MCM10: variants seen among roughly 807,000 people sequenced by gnomAD.
MCM10 encodes minichromosome maintenance 10 replication initiation factor, also known as protein MCM10 homolog.
Under a neutral mutation model 109.9 loss-of-function variants are expected in MCM10, and 91 were observed. The ratio of observed to expected loss-of-function variants is 0.83; its 90% CI spans 0.70 to 0.99. The LOEUF is 0.99. MCM10 is among the 50% of genes least tolerant of loss of function. The pLI, the probability that MCM10 is intolerant of heterozygous loss-of-function variation, is 0.00. For synonymous variants in MCM10, 380 were observed against 387.2 expected (o/e 0.98, Z 0.22); for missense variants, 1,077 against 1,061.2 (o/e 1.01, Z -0.21).
At chr10:13,207,259 C>T (rs147087666) in intron 18 of MCM10, among the ~76,000 whole-genome samples, 541 of 152,258 alleles carry the variant, frequency 3.6e-3, no homozygotes, top group African/African-American at 0.012. Context: ...CAACTGGGCA[C>T]GGCTGTGTTC....
chr10:13,209,232 G>C lies in MCM10; in HGVS notation c.2547G>C (p.Lys849Asn). 6.2e-7 allele frequency: 1 copy of C among 1,613,504 alleles called. No individual in the cohort carries two copies. The highest frequency in any genetic ancestry group is 1.1e-5 in the South Asian group (1 of 91,048). ...AAATATTTTCATTTTTCTAGGAAAA[G>C]ACTGGTCCAAAGATAGGAGGAGAAA... Reference protein sequence around the residue: ...KWERDGMLKEKTGPKIGGETL... With the variant: ...KWERDGMLKENTGPKIGGETL... The change falls in exon 20 of 20, where the codon AAG becomes AAC. Residue 849 changes from lysine (K) to asparagine (N), a missense_variant. Lys to Asn is a moderately conservative substitution (Grantham distance 94). Transcript: ENST00000378714.
intron 6 of MCM10, among the ~76,000 whole-genome samples, chr10:13,178,929 G>C (rs748126273): frequency 6.6e-6 from 1 of 152,084 alleles, no homozygotes; most frequent in Non-Finnish European, 1.5e-5. Context: ...CACTTCTTTG[G>C]TTAAGTGTAT....
rs1834439741 is a variant in MCM10, at chr10:13,197,668, A to G, written c.2020A>G (p.Lys674Glu). 6.2e-7 allele frequency: 1 copy of G among 1,613,986 alleles called. No homozygotes were observed. Among genetic ancestry groups the G allele is most frequent in the Admixed American group, 1.7e-5 (1 of 60,004 alleles). Residue 674 changes from lysine (K) to glutamate (E), a missense_variant, in exon 15 of 20, where the codon AAA becomes GAA. Lys to Glu is a moderately conservative substitution (Grantham distance 56). Coordinates refer to ENST00000378714, the MANE Select transcript of MCM10 (RefSeq NM_018518.5). ...AAGGGCAAAAGGCCAGGTTCTTACA[A>G]AAACAAACCCAAACAGCATTAAGAA... The part of the protein sequence containing the change: ...KLRAKGQVLT[K>E]TNPNSIKKKQ...
At chr10:13,197,859 A>G in intron 15 of MCM10, 92 bp downstream of exon 15, 2 of 1,279,394 alleles carry the variant, frequency 1.6e-6, no homozygotes, top group Non-Finnish European at 1.1e-6. Flanking sequence ...ATATCAAGCA[A>G]TTACTTCCAT....
At chr10:13,200,199 C>T (rs1452541795) in intron 16 of MCM10, among the ~76,000 whole-genome samples, 1 of 151,956 alleles carries the variant, frequency 6.6e-6, no homozygotes. Flanking sequence ...TAAAACCATG[C>T]ACAAATATTG....
At chr10:13,201,378 C>A in intron 16 of MCM10, 43 bp from the exon 17 acceptor site, 1 of 1,243,722 alleles carries the variant, frequency 8.0e-7, no homozygotes, top group South Asian at 1.3e-5. Context: ...TGAGTGCATA[C>A]TGGATTTAGT....
At position 13,192,495 on chromosome 10, in the gene MCM10, T is replaced by C; in HGVS notation, c.1672T>C (p.Ser558Pro). 6.2e-7 allele frequency: 1 copy of C among 1,614,160 alleles called. No individual in the cohort carries two copies. Among genetic ancestry groups the C allele is most frequent in the Non-Finnish European group, 8.5e-7 (1 of 1,180,032 alleles). The change falls in exon 13 of 20, where the codon TCA becomes CCA. Residue 558 changes from serine to proline, a missense_variant. By Grantham distance (74) the Ser-to-Pro change is moderately conservative. Transcript: ENST00000378714. The stretch of plus-strand genomic sequence containing the variant: ...ACCAGCCATCAAGTCCATCTCGGCC[T>C]CAGCACTCTTGAAGCAACAGAAGCA... ...PKPAIKSISA[S>P]ALLKQQKQRM...
chr10:13,198,598 G>A (rs1442813288), intron 15 of MCM10, 91 bp from the exon 16 acceptor site: 2 of 807,062 alleles, frequency 2.5e-6, no homozygotes, highest in Non-Finnish European at 4.3e-6. Context: ...GTAGGCAGAG[G>A]AGGAGGGAGT....
Position 13,182,860 on chromosome 10 carries a change from A to G in MCM10, c.931-73A>G. On this transcript the variant is annotated intron_variant, in intron 7 of 19. Transcript: ENST00000378714. This position sits in a 1 kb window ranked among gnomAD's most constrained non-coding sequence, Gnocchi z 4.2. ...TTATAGGCATATAGTTTTCCATAGT[A>G]AAACTCTTGAATCATAAATGAGGAC... 1.6e-6 allele frequency: 2 copies of G among 1,245,940 alleles called. No individual in the cohort carries two copies. The highest frequency in any genetic ancestry group is 2.2e-6 in the Non-Finnish European group (2 of 891,564). The allele number at this position is 1,245,940 out of a possible 1,614,324, so 77.2% of individuals were successfully genotyped here.
chr10:13,166,415 C>A (rs1157559525), intron 2 of MCM10, among the ~76,000 whole-genome samples: 1 of 151,970 alleles, frequency 6.6e-6, no homozygotes, highest in Non-Finnish European at 1.5e-5. Context: ...GCAGGTGGAT[C>A]ACCTGAGGTC....
intron 17 of MCM10, chr10:13,201,822 G>T (rs1834504231): frequency 3.2e-6 from 1 of 316,682 alleles, no homozygotes; most frequent in Non-Finnish European, 5.9e-6. Flanking sequence ...GGTCCGCGTG[G>T]CTCTGACTGC....
At chr10:13,169,236 G>A (rs942146962) in intron 2 of MCM10, among the ~76,000 whole-genome samples, 3 of 152,148 alleles carry the variant, frequency 2.0e-5, no homozygotes, top group Non-Finnish European at 4.4e-5. Context: ...CCTCAAGCTC[G>A]TCTATGAAAC....
chr10:13,177,825 G>A (rs1834161820), intron 6 of MCM10, among the ~76,000 whole-genome samples: 1 of 147,886 alleles, frequency 6.8e-6, no homozygotes, highest in Admixed American at 6.8e-5. Flanking sequence ...GCTCCATCCT[G>A]GACAACAGAG....
At chr10:13,199,884 G>C (rs920558009) in intron 16 of MCM10, among the ~76,000 whole-genome samples, 3 of 152,138 alleles carry the variant, frequency 2.0e-5, no homozygotes, top group Admixed American at 6.5e-5. Flanking sequence ...CAGGGTCTCC[G>C]TATGTTCCCC....
At position 13,192,323 on chromosome 10, in the gene MCM10, G is replaced by T; in HGVS notation, c.1585G>T (p.Ala529Ser). The change falls in exon 12 of 20, where the codon GCC becomes TCC. Residue 529 changes from alanine (A) to serine (S), a missense_variant. Ala to Ser is a moderately conservative substitution (Grantham distance 99). Coordinates refer to ENST00000378714, the MANE Select transcript of MCM10 (RefSeq NM_018518.5). ...KELMDLPTCG[A>S]RNLKQHLAKA... ...ACTGATGGACCTGCCGACGTGTGGA[G>T]CCAGGAACTTAAAACAACATTTAGC... 1 of 1,613,850 alleles carries T rather than the reference G, an allele frequency of 6.2e-7. No individual in the cohort carries two copies.
At position 13,182,412 on chromosome 10, in the gene MCM10, T is replaced by G. The variant is rs1834220512; in HGVS notation, c.931-521T>G. On this transcript the variant is annotated intron_variant, in intron 7 of 19. Coordinates refer to ENST00000378714, the MANE Select transcript of MCM10 (RefSeq NM_018518.5). This position sits in a 1 kb window ranked among gnomAD's most constrained non-coding sequence, Gnocchi z 4.2. ...GATTCTTTGAGCCCAGGAGTTGGAGTGAGCAACGGGACATGATTGCACCAC... is the reference window on the plus strand; with the variant it reads ...GATTCTTTGAGCCCAGGAGTTGGAGGGAGCAACGGGACATGATTGCACCAC... Among the ~76,000 whole-genome samples, 1 of 151,876 alleles carries G rather than the reference T, an allele frequency of 6.6e-6. No individual in the cohort carries two copies. Among genetic ancestry groups the G allele is most frequent in the East Asian group, 1.9e-4 (1 of 5,166 alleles).
rs140511495 is a variant in MCM10 at position 13,204,357 on chromosome 10, C to T, written c.2491C>T (p.His831Tyr). The change falls in exon 18 of 20, where the codon CAC (histidine) becomes TAC (tyrosine). Residue 831 changes from histidine (H) to tyrosine (Y), a missense_variant. Physicochemically the swap from His to Tyr is moderately conservative, Grantham distance 83. Transcript: ENST00000378714. Reference sequence around the variant, plus strand: ...CTCCTTGGACAGACTCCCGAACAAGCACTGCAGGTATGAGAATCACCTGGA... The same window carrying T: ...CTCCTTGGACAGACTCCCGAACAAGTACTGCAGGTATGAGAATCACCTGGA... ...SISLDRLPNKHCSNCGLYKWE... is the reference protein window; with the variant it reads ...SISLDRLPNKYCSNCGLYKWE... 1 of 1,614,024 alleles carries T rather than the reference C, an allele frequency of 6.2e-7. No homozygotes were observed. The highest frequency in any genetic ancestry group is 8.5e-7 in the Non-Finnish European group (1 of 1,180,008).
chr10:13,198,070 G>A (rs1004284079), intron 15 of MCM10, among the ~76,000 whole-genome samples: 7 of 151,864 alleles, frequency 4.6e-5, no homozygotes, highest in East Asian at 1.9e-4. Flanking sequence ...GCGCCACCAC[G>A]CCCAGCTAAT....
intron 6 of MCM10, among the ~76,000 whole-genome samples, chr10:13,177,723 G>C (rs868299785): frequency 6.6e-6 from 1 of 151,732 alleles, no homozygotes; most frequent in African/African-American, 2.4e-5. Context: ...ACAAAATTTA[G>C]CCCGGTGTGG....
Sources: allele counts gnomAD v4.1 joint callset (sites outside exome capture counted in the v4.1 genomes callset), GRCh38; gene constraint gnomAD v4.1.1; non-coding constraint Gnocchi (gnomAD v3.1); transcripts MANE v1.5; gene names NCBI Gene and HGNC (gene_info 2026-07-23, HGNC 2026-07-21).